Variants in PTER observed in about 807,000 individuals in gnomAD.
PTER encodes the protein phosphotriesterase related, also known as N-acetyltaurine hydrolase.
PTER carries 38 observed loss-of-function variants against 29.6 expected under a neutral mutation model. The observed-to-expected ratio is 1.28, with a 90% confidence interval of 0.99 to 1.68. The LOEUF is 1.68. Ranked by LOEUF, PTER falls within the 40% of genes most tolerant of loss-of-function variation. PTER has a pLI of 0.00. For synonymous variants in PTER, 172 were observed against 154.5 expected (o/e 1.11, Z -0.84); for missense variants, 482 against 427.8 (o/e 1.13, Z -1.12).
At chr10:16,457,768 G>A (rs1009428725) in intron 1 of PTER, among the ~76,000 whole-genome samples, 3 of 151,548 alleles carry the variant, frequency 2.0e-5, no homozygotes, top group Non-Finnish European at 4.4e-5. Context: ...CCTGTAGTGT[G>A]GTGGCTAATT....
chr10:16,440,571 C>G (rs1221735634), intron 1 of PTER, among the ~76,000 whole-genome samples: 1 of 152,210 alleles, frequency 6.6e-6, no homozygotes, highest in African/African-American at 2.4e-5. Context: ...TTCCCTGTCT[C>G]CTTCCAGGCA....
intron 1 of PTER, among the ~76,000 whole-genome samples, chr10:16,472,435 A>G (rs1835087555): frequency 6.6e-6 from 1 of 152,064 alleles, no homozygotes; most frequent in African/African-American, 2.4e-5. Context: ...TCTCCTGGTA[A>G]TGAATAAATC....
chr10:16,477,442 G>T (rs535827043), intron 1 of PTER, among the ~76,000 whole-genome samples: 3 of 152,030 alleles, frequency 2.0e-5, no homozygotes. Context: ...CTTCCAAAGT[G>T]CTGGGACTAC....
intron 1 of PTER, among the ~76,000 whole-genome samples, chr10:16,466,444 C>T (rs1365859847): frequency 6.6e-6 from 1 of 152,206 alleles, no homozygotes; most frequent in Non-Finnish European, 1.5e-5. Context: ...CAACCTCCGC[C>T]TCCCCAATTC....
At chr10:16,438,810 AC>A (rs902570565) in intron 1 of PTER, among the ~76,000 whole-genome samples, 2 of 150,842 alleles carry the variant, frequency 1.3e-5, no homozygotes, top group African/African-American at 4.9e-5. Context: ...AATCCCAGCT[AC>A]TGGAGAGGCT....
At chr10:16,516,782 G>A (rs151196074), downstream of PTER, among the ~76,000 whole-genome samples, 9 of 152,272 alleles carry the variant, frequency 5.9e-5, no homozygotes, top group East Asian at 1.9e-4. Context: ...AAATTCCTGC[G>A]AATGCATTAG....
intron 4 of PTER, among the ~76,000 whole-genome samples, chr10:16,505,993 G>A (rs566476090): frequency 3.3e-5 from 5 of 149,588 alleles, no homozygotes; most frequent in South Asian, 4.2e-4. Context: ...AGTAGGAACC[G>A]TTTCTCAAGG....
intron 1 of PTER, among the ~76,000 whole-genome samples, chr10:16,471,946 G>T (rs987141230): frequency 1.3e-5 from 2 of 152,106 alleles, no homozygotes; most frequent in African/African-American, 4.8e-5. Flanking sequence ...CAGACAAGTT[G>T]GGCAAATTTG....
At chr10:16,449,804 G>C (rs556854703) in intron 1 of PTER, among the ~76,000 whole-genome samples, 4 of 152,022 alleles carry the variant, frequency 2.6e-5, no homozygotes, top group Non-Finnish European at 5.9e-5. Context: ...TAGGTCTAAA[G>C]TGACTAATCC....
rs754692942 is a variant in PTER, at chr10:16,486,553, A to G, written c.634A>G (p.Ile212Val). The G allele has an allele frequency of 6.2e-7, 1 of 1,614,032 alleles. No individual in the cohort carries two copies. Among genetic ancestry groups the G allele is most frequent in the East Asian group, 2.2e-5 (1 of 44,872 alleles). The change falls in exon 3 of 5, where the codon ATT becomes GTT. Residue 212 changes from isoleucine to valine, a missense_variant. Ile to Val is a conservative substitution (Grantham distance 29). Coordinates refer to ENST00000535784, the MANE Select transcript of PTER (RefSeq NM_001261836.2). Reference protein sequence around the residue: ...PGRSSRAPFQIIRILQEAGAD... With the variant: ...PGRSSRAPFQVIRILQEAGAD... The stretch of plus-strand genomic sequence containing the variant: ...ACGGAGCTCCAGGGCACCATTTCAG[A>G]TTATCCGAATATTGCAAGAAGCAGG...
chr10:16,467,344 C>A (rs937222795), intron 1 of PTER, among the ~76,000 whole-genome samples: 12 of 152,022 alleles, frequency 7.9e-5, no homozygotes, highest in African/African-American at 2.7e-4. Flanking sequence ...AACATAGTAT[C>A]TACAGGGTTA....
At chr10:16,451,563 G>C (rs1245698955) in intron 1 of PTER, among the ~76,000 whole-genome samples, 1 of 152,034 alleles carries the variant, frequency 6.6e-6, no homozygotes, top group Non-Finnish European at 1.5e-5. Context: ...ACAAAAGAAA[G>C]TAGCTGGGTG....
chr10:16,511,003 A>C, intron 4 of PTER, 43 bp from the exon 5 acceptor site: 1 of 1,554,936 alleles, frequency 6.4e-7, no homozygotes, highest in South Asian at 1.2e-5. Flanking sequence ...GAAAAGCGAA[A>C]ATGAAAGACA....
chr10:16,482,935 C>T (rs1835534695), intron 1 of PTER, among the ~76,000 whole-genome samples: 1 of 152,084 alleles, frequency 6.6e-6, no homozygotes. Context: ...GCACGCTCCA[C>T]CACACTTGGC....
intron 1 of PTER, among the ~76,000 whole-genome samples, chr10:16,446,030 G>A (rs1834000516): frequency 6.6e-6 from 1 of 152,142 alleles, no homozygotes; most frequent in Admixed American, 6.5e-5. Context: ...GCATCTTCAA[G>A]AGTGTTTCTC....
At chr10:16,498,079 G>C (rs1564406990) in intron 3 of PTER, among the ~76,000 whole-genome samples, 1 of 152,120 alleles carries the variant, frequency 6.6e-6, no homozygotes, top group Non-Finnish European at 1.5e-5. Context: ...ACCAAAATCT[G>C]GTCTTCCTTC....
At chr10:16,446,274 A>G (rs913795505) in intron 1 of PTER, among the ~76,000 whole-genome samples, 26 of 151,062 alleles carry the variant, frequency 1.7e-4, no homozygotes, top group African/African-American at 5.8e-4. Context: ...GGAGTGTAGC[A>G]GTGTGATCTT....
At chr10:16,448,527 C>T (rs1211503782) in intron 1 of PTER, among the ~76,000 whole-genome samples, 1 of 152,150 alleles carries the variant, frequency 6.6e-6, no homozygotes, top group Non-Finnish European at 1.5e-5. Flanking sequence ...AGGAATATCT[C>T]GACAGGCCCC....
At chr10:16,464,864 T>C (rs528470923) in intron 1 of PTER, among the ~76,000 whole-genome samples, 63 of 152,172 alleles carry the variant, frequency 4.1e-4, no homozygotes, top group South Asian at 6.2e-4. Context: ...GAGGTTTAAT[T>C]GACTCACTGT....
Sources: allele counts gnomAD v4.1 joint callset (sites outside exome capture counted in the v4.1 genomes callset), GRCh38; gene constraint gnomAD v4.1.1; transcripts MANE v1.5; gene names NCBI Gene and HGNC (gene_info 2026-07-23, HGNC 2026-07-21).